GRIK1: variants seen among roughly 807,000 people sequenced by gnomAD.
GRIK1 encodes the protein glutamate receptor ionotropic, kainate 1.
GRIK1 carries 69 observed loss-of-function variants against 105.7 expected under a neutral mutation model. That is an observed-to-expected ratio of 0.65 (90% CI 0.54 to 0.80). The LOEUF (loss-of-function observed/expected upper bound fraction) is 0.80. Ranked by LOEUF, GRIK1 falls within the 30% of genes least tolerant of loss-of-function variation. GRIK1 has a pLI of 0.00. For missense variants in GRIK1, 1,109 were observed against 1,167.3 expected (o/e 0.95, Z 0.73); for synonymous variants, 438 against 431.3 (o/e 1.02, Z -0.19).
intron 16 of GRIK1, chr21:29,553,176 A>C (rs1481893366): frequency 4.1e-6 from 4 of 977,684 alleles, no homozygotes; most frequent in Non-Finnish European, 4.9e-6. Context: ...AAAGTTCACA[A>C]AGATGAAAAG....
intron 1 of GRIK1, among the ~76,000 whole-genome samples, chr21:29,875,349 C>T (rs1324866510): frequency 6.6e-6 from 1 of 152,130 alleles, no homozygotes; most frequent in African/African-American, 2.4e-5. Context: ...TGTCAGGAGT[C>T]TCATCCTAGG....
rs186321218 is a variant in GRIK1 at position 29,805,666 on chromosome 21, T to G, written c.119-111603A>C. 1.3e-3 allele frequency among the ~76,000 whole-genome samples: 195 copies of G among 152,228 alleles called. 1 individual carries two copies. Among genetic ancestry groups the G allele is most frequent in the African/African-American group, 4.4e-3 (184 of 41,552 alleles). On this transcript the variant is annotated intron_variant, in intron 1 of 17. Transcript: ENST00000327783. ...TATTTGCTTATTGTGTGTTGGTTAG[T>G]GTATATAGGAGAGTACTAATGCACA...
At chr21:29,619,589 C>A (rs1233751143) in intron 7 of GRIK1, among the ~76,000 whole-genome samples, 4 of 146,968 alleles carry the variant, frequency 2.7e-5, no homozygotes, top group Non-Finnish European at 4.6e-5. Flanking sequence ...AAATAACTTA[C>A]TTATGTAACC....
At chr21:29,931,250 ACT>A (rs1160518029) in intron 1 of GRIK1, among the ~76,000 whole-genome samples, 1 of 152,132 alleles carries the variant, frequency 6.6e-6, no homozygotes, top group Non-Finnish European at 1.5e-5. Flanking sequence ...CATTTTTCTC[ACT>A]AATCTTCTTA....
At chr21:29,615,579 G>T (rs944659325) in intron 7 of GRIK1, among the ~76,000 whole-genome samples, 5 of 152,142 alleles carry the variant, frequency 3.3e-5, no homozygotes, top group Non-Finnish European at 7.4e-5. Context: ...AAAGTGCTGG[G>T]ATTACAGGCA....
At chr21:29,911,605 G>A (rs992830430) in intron 1 of GRIK1, among the ~76,000 whole-genome samples, 1 of 152,058 alleles carries the variant, frequency 6.6e-6, no homozygotes, top group Non-Finnish European at 1.5e-5. Context: ...ACACGCAGTG[G>A]GATGGTACTG....
At chr21:29,739,541 G>C (rs575319680) in intron 1 of GRIK1, among the ~76,000 whole-genome samples, 11 of 152,246 alleles carry the variant, frequency 7.2e-5, no homozygotes, top group African/African-American at 2.6e-4. Context: ...GCAGTTAGCT[G>C]GTTACTCTGA....
At chr21:29,613,016 A>C (rs1470437649) in intron 7 of GRIK1, among the ~76,000 whole-genome samples, 1 of 152,204 alleles carries the variant, frequency 6.6e-6, no homozygotes, top group Non-Finnish European at 1.5e-5. Context: ...TCTATCTTTG[A>C]GTAGCTGGGT....
chr21:29,715,690 G>T (rs2064161386), intron 1 of GRIK1, among the ~76,000 whole-genome samples: 1 of 148,394 alleles, frequency 6.7e-6, no homozygotes, highest in Admixed American at 6.8e-5. Flanking sequence ...CATCTAGAAT[G>T]TCGTATTCTA....
At chr21:29,579,018 G>C (rs1452946932) in intron 13 of GRIK1, among the ~76,000 whole-genome samples, 1 of 152,000 alleles carries the variant, frequency 6.6e-6, no homozygotes. Flanking sequence ...TCACTTATTT[G>C]TATATTTGTA....
At chr21:29,659,998 A>G (rs1184299698) in intron 4 of GRIK1, among the ~76,000 whole-genome samples, 1 of 152,038 alleles carries the variant, frequency 6.6e-6, no homozygotes, top group African/African-American at 2.4e-5. Flanking sequence ...CAACAACAAC[A>G]ACAACAAAAA....
At chr21:29,806,756 C>A (rs2066874346) in intron 1 of GRIK1, among the ~76,000 whole-genome samples, 1 of 152,026 alleles carries the variant, frequency 6.6e-6, no homozygotes, top group Non-Finnish European at 1.5e-5. Flanking sequence ...CACACAGGAT[C>A]TTTGTTTATA....
intron 1 of GRIK1, among the ~76,000 whole-genome samples, chr21:29,799,008 A>C (rs913025079): frequency 3.9e-5 from 6 of 152,174 alleles, no homozygotes; most frequent in Admixed American, 3.9e-4. Flanking sequence ...CCTCCAGATA[A>C]TACTATCTCA....
chr21:29,678,038 G>A (rs758579365), intron 3 of GRIK1, among the ~76,000 whole-genome samples: 7 of 152,136 alleles, frequency 4.6e-5, no homozygotes, highest in Non-Finnish European at 8.8e-5. Flanking sequence ...CCAATTTCCT[G>A]TTTGTTAAAC....
chr21:29,668,092 C>G (rs1006498209), intron 4 of GRIK1, among the ~76,000 whole-genome samples: 4 of 152,178 alleles, frequency 2.6e-5, no homozygotes, highest in Non-Finnish European at 1.5e-5. Flanking sequence ...GTTCTTGGCT[C>G]ATTCATTCGT....
intron 1 of GRIK1, among the ~76,000 whole-genome samples, chr21:29,756,164 A>T (rs1357089119): frequency 2.0e-5 from 3 of 151,998 alleles, no homozygotes; most frequent in Non-Finnish European, 2.9e-5. Flanking sequence ...GGCGGATCAC[A>T]AAGTCAGGAG....
At chr21:29,777,190 C>T (rs1691189486) in intron 1 of GRIK1, among the ~76,000 whole-genome samples, 1 of 152,126 alleles carries the variant, frequency 6.6e-6, no homozygotes, top group African/African-American at 2.4e-5. Context: ...CTGGGTGACT[C>T]TCGTGAGGAT....
At chr21:29,710,682 A>T (rs2064023297) in intron 1 of GRIK1, among the ~76,000 whole-genome samples, 1 of 152,078 alleles carries the variant, frequency 6.6e-6, no homozygotes, top group Non-Finnish European at 1.5e-5. Flanking sequence ...ATATTATATA[A>T]CAATTATCAT....
intron 1 of GRIK1, among the ~76,000 whole-genome samples, chr21:29,736,507 G>A (rs142558115): frequency 6.6e-6 from 1 of 152,044 alleles, no homozygotes; most frequent in African/African-American, 2.4e-5. Context: ...GGGATTACAG[G>A]CATGAGCCAC....
Sources: allele counts gnomAD v4.1 joint callset (sites outside exome capture counted in the v4.1 genomes callset), GRCh38; gene constraint gnomAD v4.1.1; transcripts MANE v1.5; gene names NCBI Gene and HGNC (gene_info 2026-07-23, HGNC 2026-07-21).